Variants in ANKS1B observed in about 807,000 individuals in gnomAD.
ANKS1B encodes the protein ankyrin repeat and sterile alpha motif domain-containing protein 1B.
ANKS1B carries 36 observed loss-of-function variants against 148.3 expected under a neutral mutation model. That is an observed-to-expected ratio of 0.24 (90% CI 0.19 to 0.32). The LOEUF is 0.32. Among genes scored for constraint, ANKS1B ranks in the 10% least tolerant of loss-of-function variants. The pLI, the probability that ANKS1B is intolerant of heterozygous loss-of-function variation, is 1.00. For missense variants in ANKS1B, 1,157 were observed against 1,542.6 expected (o/e 0.75, Z 4.19); for synonymous variants, 542 against 560.8 (o/e 0.97, Z 0.47).
chr12:99,271,369 T>A (rs887227233), intron 12 of ANKS1B, among the ~76,000 whole-genome samples: 2 of 152,180 alleles, frequency 1.3e-5, no homozygotes, highest in African/African-American at 4.8e-5. Context: ...TACTTCTTTG[T>A]TCTCCCTTAA....
At chr12:99,220,533 G>A (rs190895308) in intron 14 of ANKS1B, among the ~76,000 whole-genome samples, 51 of 131,266 alleles carry the variant, frequency 3.9e-4, no homozygotes, top group South Asian at 2.5e-4. Flanking sequence ...TGCAAACTCC[G>A]CCTCCCAGGT....
intron 8 of ANKS1B, among the ~76,000 whole-genome samples, chr12:99,764,954 G>A (rs2062503611): frequency 1.3e-5 from 2 of 152,170 alleles, no homozygotes; most frequent in Non-Finnish European, 2.9e-5. Context: ...ATGAGCAGAT[G>A]AAGAGGAGAG....
rs997840567 is a variant in ANKS1B, at chr12:99,984,602, C to CGGA, written c.-368_-366dup. 4.5e-5 allele frequency: 8 copies of CGGA among 177,380 alleles called. No homozygotes were observed. The highest frequency in any genetic ancestry group is 7.0e-5 in the African/African-American group (3 of 42,590). 11.0% of individuals were successfully genotyped at this position (177,380 alleles called of 1,614,324 possible). ...GGAGGAGGGTGGTGAGGACTGAGGT[C>CGGA]GGAGGAGGAGGAGGAGGCGGCAGAG... On this transcript the variant is annotated 5_prime_UTR_variant, in exon 1 of 27. Transcript: ENST00000683438.
chr12:99,253,423 T>C (rs979315760), intron 12 of ANKS1B, among the ~76,000 whole-genome samples: 1 of 152,158 alleles, frequency 6.6e-6, no homozygotes, highest in Non-Finnish European at 1.5e-5. Flanking sequence ...TATTTCTTAA[T>C]ACTTCATCGT....
chr12:99,637,522 G>A (rs2098250295), intron 9 of ANKS1B, among the ~76,000 whole-genome samples: 1 of 152,100 alleles, frequency 6.6e-6, no homozygotes, highest in Non-Finnish European at 1.5e-5. Context: ...GCTGGGAAAG[G>A]CAGACCCACC....
At chr12:98,897,400 C>T (rs2099766254) in intron 17 of ANKS1B, among the ~76,000 whole-genome samples, 1 of 151,800 alleles carries the variant, frequency 6.6e-6, no homozygotes, top group Non-Finnish European at 1.5e-5. Flanking sequence ...CATTAAAAAC[C>T]GGGCAAAGGA....
intron 8 of ANKS1B, among the ~76,000 whole-genome samples, chr12:99,730,872 T>G (rs2059072068): frequency 6.6e-6 from 1 of 152,340 alleles, no homozygotes. Context: ...GTAAGACTAT[T>G]TCCAGAGACA....
intron 17 of ANKS1B, among the ~76,000 whole-genome samples, chr12:98,864,759 G>T (rs934807053): frequency 6.6e-6 from 1 of 152,140 alleles, no homozygotes; most frequent in African/African-American, 2.4e-5. Flanking sequence ...GTAAAAATCT[G>T]TTGTCTGATG....
intron 10 of ANKS1B, among the ~76,000 whole-genome samples, chr12:99,457,092 T>C (rs1446035417): frequency 2.0e-5 from 3 of 152,024 alleles, no homozygotes; most frequent in East Asian, 1.9e-4. Flanking sequence ...CTAGAAGGGA[T>C]TGGGGTTCTC....
intron 8 of ANKS1B, among the ~76,000 whole-genome samples, chr12:99,716,713 T>C (rs1375576168): frequency 6.6e-6 from 1 of 152,084 alleles, no homozygotes; most frequent in African/African-American, 2.4e-5. Flanking sequence ...CCCTTCCTAG[T>C]CTCTGTTCCC....
At position 98,857,278 on chromosome 12, in the gene ANKS1B, G is replaced by C. The variant is rs138480083; in HGVS notation, c.2779-25142C>G. ...AAGAGGAGATGTAAAAGCATTCTAG[G>C]CCAATGCACCTGCATGAGAGGAGTG... On this transcript the variant is annotated intron_variant, in intron 17 of 26. Transcript: ENST00000683438. Among the ~76,000 whole-genome samples the C allele has an allele frequency of 1.1e-4, 16 of 152,298 alleles. No individual in the cohort carries two copies. The East Asian group carries it at 3.1e-3, about 29-fold the overall frequency.
chr12:98,753,343 G>A (rs1049294460), intron 25 of ANKS1B, among the ~76,000 whole-genome samples: 1 of 152,230 alleles, frequency 6.6e-6, no homozygotes, highest in African/African-American at 2.4e-5. Flanking sequence ...CAGAGCATCA[G>A]AGAAGCAGAT....
chr12:99,839,929 C>T (rs1220060385), intron 1 of ANKS1B, among the ~76,000 whole-genome samples: 3 of 152,066 alleles, frequency 2.0e-5, no homozygotes, highest in African/African-American at 7.2e-5. Flanking sequence ...AGTTAGAACA[C>T]TGTGTTTTTC....
chr12:99,832,028 C>T (rs1411034346), intron 1 of ANKS1B, among the ~76,000 whole-genome samples: 6 of 152,154 alleles, frequency 3.9e-5, no homozygotes, highest in Non-Finnish European at 8.8e-5. Context: ...TTTCTACCAT[C>T]AGATGGGCAC....
At chr12:99,230,064 G>A (rs2153950473) in intron 14 of ANKS1B, among the ~76,000 whole-genome samples, 1 of 152,134 alleles carries the variant, frequency 6.6e-6, no homozygotes, top group Admixed American at 6.5e-5. Context: ...TATGTACCAG[G>A]AATATAGTTA....
intron 17 of ANKS1B, among the ~76,000 whole-genome samples, chr12:98,901,909 C>T (rs967217516): frequency 6.6e-6 from 1 of 152,152 alleles, no homozygotes; most frequent in South Asian, 2.1e-4. Context: ...AAGTAAGACA[C>T]AGACTGACTC....
chr12:99,149,954 G>A (rs1468684573), intron 15 of ANKS1B, among the ~76,000 whole-genome samples: 13 of 152,148 alleles, frequency 8.5e-5, no homozygotes, highest in Non-Finnish European at 1.5e-4. Context: ...GTGTGTATGT[G>A]TGATGTGCAT....
At chr12:99,484,418 G>A (rs2096458712) in intron 10 of ANKS1B, among the ~76,000 whole-genome samples, 1 of 151,794 alleles carries the variant, frequency 6.6e-6, no homozygotes, top group Admixed American at 6.6e-5. Flanking sequence ...CTGTCATATG[G>A]TCTATCTTGA....
rs746302251 is a variant in ANKS1B at position 99,246,730 on chromosome 12, G to T, written c.1891C>A (p.Gln631Lys). Residue 631 changes from glutamine (Q) to lysine (K), a missense_variant, in exon 13 of 27, where the codon CAA becomes AAA. By Grantham distance (53) the Gln-to-Lys change is moderately conservative. Transcript: ENST00000683438. ...NPFHLYGKRE[Q>K]CEKGQDEVSL... ...ACTTCATCTTGTCCTTTTTCACATT[G>T]TTCTCTTTTCCCATAGAGATGAAAT... 1.1e-5 allele frequency: 17 copies of T among 1,613,698 alleles called. No homozygotes were observed. Among genetic ancestry groups the T allele is most frequent in the Non-Finnish European group, 1.4e-5 (16 of 1,179,840 alleles).
Sources: allele counts gnomAD v4.1 joint callset (sites outside exome capture counted in the v4.1 genomes callset), GRCh38; gene constraint gnomAD v4.1.1; transcripts MANE v1.5; gene names NCBI Gene and HGNC (gene_info 2026-07-23, HGNC 2026-07-21).